Variants in ARHGEF17 observed in about 807,000 individuals in gnomAD.
The protein encoded by ARHGEF17 is 164 kDa Rho-specific guanine-nucleotide exchange factor.
A neutral mutation model predicts 174.0 loss-of-function variants in ARHGEF17; 80 were observed. The observed-to-expected ratio is 0.46, with a 90% confidence interval of 0.38 to 0.55. The LOEUF is 0.55. ARHGEF17 is among the 20% of genes least tolerant of loss of function. The pLI is 0.00. For missense variants in ARHGEF17, 2,886 were observed against 2,839.7 expected (o/e 1.02, Z -0.37); for synonymous variants, 1,311 against 1,189.1 (o/e 1.10, Z -2.11).
chr11:73,313,506 T>G (rs1282380762), intron 1 of ARHGEF17, among the ~76,000 whole-genome samples: 1 of 151,902 alleles, frequency 6.6e-6, no homozygotes. Context: ...AGAGAGGAGG[T>G]GGGAGTTTAC....
intron 1 of ARHGEF17, among the ~76,000 whole-genome samples, chr11:73,332,349 CCGTGTGTGTGTG>C (rs1207537287): frequency 2.1e-4 from 24 of 114,258 alleles, no homozygotes; most frequent in African/African-American, 7.9e-4. Flanking sequence ...GGCTTTTTCT[CCGTGTGTGTGTG>C]TGTGTGTGTG....
intron 1 of ARHGEF17, 152 bp from the exon 2 acceptor site, chr11:73,346,731 G>C (rs749625247): frequency 1.9e-6 from 1 of 536,006 alleles, no homozygotes; most frequent in Non-Finnish European, 3.1e-6. Flanking sequence ...TGGGGGCCTC[G>C]GGGGAACAGC....
intron 1 of ARHGEF17, among the ~76,000 whole-genome samples, chr11:73,321,164 A>G (rs1392259156): frequency 1.3e-5 from 2 of 152,216 alleles, no homozygotes; most frequent in African/African-American, 4.8e-5. Flanking sequence ...TACAGTACCC[A>G]CATAGTCAGT....
intron 1 of ARHGEF17, among the ~76,000 whole-genome samples, chr11:73,327,571 G>A (rs772851634): frequency 2.2e-4 from 33 of 152,332 alleles, no homozygotes; most frequent in East Asian, 3.9e-4. Context: ...CTTTGGCCAC[G>A]AAAAATGTAG....
chr11:73,356,220 C>T lies in ARHGEF17; in HGVS notation c.3709C>T (p.Leu1237=), dbSNP rs769731975. 32 of 1,613,916 alleles carry T rather than the reference C, an allele frequency of 2.0e-5. No individual in the cohort carries two copies. Among genetic ancestry groups the T allele is most frequent in the Middle Eastern group, 1.6e-4 (1 of 6,084 alleles). The stretch of plus-strand genomic sequence containing the variant: ...TGAGGACCACCCGGACCATCCACTC[C>T]TGCTGGAGGCGCAGCGGAACATCAA... ...TPEDHPDHPL[L]LEAQRNIKQV... is the part of the protein sequence containing the mutation. The change falls in exon 6 of 21, where the codon CTG becomes TTG. Residue 1237 remains leucine (L), a synonymous_variant. Transcript: ENST00000263674.
chr11:73,335,414 A>G (rs968052543), intron 1 of ARHGEF17, among the ~76,000 whole-genome samples: 4 of 152,122 alleles, frequency 2.6e-5, no homozygotes, highest in African/African-American at 7.2e-5. Context: ...CTGTCTATCC[A>G]TCTACTTCTC....
chr11:73,367,986 C>G lies in ARHGEF17; in HGVS notation c.*206C>G. 1.8e-6 allele frequency: 1 copy of G among 549,962 alleles called. No homozygotes were observed. Among genetic ancestry groups the G allele is most frequent in the Non-Finnish European group, 3.2e-6 (1 of 313,300 alleles). 34.1% of individuals were successfully genotyped at this position (549,962 alleles called of 1,614,324 possible). A position where few individuals can be genotyped will look rare whatever the true frequency, so the allele number is the denominator to read the frequency against. On this transcript the variant is annotated 3_prime_UTR_variant, in exon 21 of 21. Transcript: ENST00000263674. ...ATGGCTTCTCCCGACCCTCTGGCTG[C>G]CCCGGTGCTTCCAGTCATGATCGGG...
intron 1 of ARHGEF17, among the ~76,000 whole-genome samples, chr11:73,335,669 G>A (rs956573441): frequency 7.2e-5 from 11 of 152,100 alleles, no homozygotes; most frequent in Non-Finnish European, 1.5e-4. Flanking sequence ...GCAGTTCTTG[G>A]GGCTTCAGCT....
rs755222319 is a variant in ARHGEF17, at chr11:73,310,208, G to C, written c.1570G>C (p.Ala524Pro). 1.2e-6 allele frequency: 2 copies of C among 1,613,948 alleles called. No homozygotes were observed. The highest frequency in any genetic ancestry group is 1.1e-5 in the South Asian group (1 of 91,082). Reference protein sequence around the residue: ...VGQLEPIPIPAPASPGTRPTL... With the variant: ...VGQLEPIPIPPPASPGTRPTL... ...GCAACTTGAACCCATACCCATCCCA[G>C]CCCCAGCATCACCTGGCACGCGCCC... Residue 524 changes from alanine (A) to proline (P), a missense_variant, in exon 1 of 21, where the codon GCC (alanine) becomes CCC (proline). Ala to Pro is a conservative substitution (Grantham distance 27). Coordinates refer to ENST00000263674, the MANE Select transcript of ARHGEF17 (RefSeq NM_014786.4).
rs775268553 is a variant in ARHGEF17, at chr11:73,362,505, G to GGCCGCTGCAGACGAGGAA, written c.4773_4790dup (p.Ala1592_Ala1597dup). ...CCGCCGGGCCGGAGCTGGACGTCGA[G>GGCCGCTGCAGACGAGGAA]GCCGCTGCAGACGAGGAAGCCGCGA... On this transcript the variant is annotated inframe_insertion, in exon 14 of 21. Transcript: ENST00000263674. 6.2e-7 allele frequency: 1 copy of GGCCGCTGCAGACGAGGAA among 1,603,248 alleles called. No individual in the cohort carries two copies. The highest frequency in any genetic ancestry group is 1.7e-5 in the Admixed American group (1 of 59,826).
chr11:73,330,871 C>T (rs1021667697), intron 1 of ARHGEF17, among the ~76,000 whole-genome samples: 2 of 152,108 alleles, frequency 1.3e-5, no homozygotes, highest in Non-Finnish European at 2.9e-5. Flanking sequence ...AGTGGGCAGG[C>T]AGGAAGGAGG....
intron 1 of ARHGEF17, among the ~76,000 whole-genome samples, chr11:73,324,042 T>C (rs962729613): frequency 6.6e-6 from 1 of 152,166 alleles, no homozygotes; most frequent in Admixed American, 6.5e-5. Flanking sequence ...CTGCCTCCCT[T>C]TAGAGAGCCA....
chr11:73,362,315 C>T, intron 13 of ARHGEF17, 76 bp downstream of exon 13: 6 of 1,446,594 alleles, frequency 4.1e-6, no homozygotes, highest in Non-Finnish European at 2.7e-6. Flanking sequence ...ACTCTCAGGC[C>T]GCCCCGGCGT....
chr11:73,359,732 C>A, intron 9 of ARHGEF17, 102 bp from the exon 10 acceptor site: 1 of 1,033,014 alleles, frequency 9.7e-7, no homozygotes, highest in Non-Finnish European at 1.4e-6. Flanking sequence ...TCAGGTCTCT[C>A]CCCGGCCCAG....
Position 73,309,513 on chromosome 11 carries a change from G to A in ARHGEF17, c.875G>A (p.Arg292Lys). The A allele has an allele frequency of 6.4e-7, 1 of 1,560,288 alleles. No individual in the cohort carries two copies. Among genetic ancestry groups the A allele is most frequent in the Admixed American group, 1.9e-5 (1 of 53,350 alleles). ...DGEGGHRWGG[R>K]PGLRPGSSLL... The stretch of plus-strand genomic sequence containing the variant: ...GAGGGCGGCCACCGCTGGGGAGGGA[G>A]GCCCGGGCTCAGGCCTGGAAGCTCC... The change falls in exon 1 of 21, where the codon AGG becomes AAG. Residue 292 changes from arginine to lysine, a missense_variant. Physicochemically the swap from Arg to Lys is conservative, Grantham distance 26 (BLOSUM62 2). This residue lies in a region of ARHGEF17 where 1,728 missense variants were observed against 1,461.2 expected (regional missense o/e 1.18). Coordinates refer to ENST00000263674, the MANE Select transcript of ARHGEF17 (RefSeq NM_014786.4).
intron 1 of ARHGEF17, among the ~76,000 whole-genome samples, chr11:73,335,238 G>T (rs1336685693): frequency 1.3e-5 from 2 of 152,166 alleles, no homozygotes; most frequent in Non-Finnish European, 2.9e-5. Context: ...ACTGCCAAGG[G>T]CAGGGCAACC....
Position 73,369,113 on chromosome 11 carries a change from T to G in ARHGEF17, c.*1333T>G, listed in dbSNP as rs1272722507. ...TGCATTGGTGGCCACAGTGGCCTCC[T>G]GTCAGCAACCTCAGGGCTCAGTCTC... On this transcript the variant is annotated 3_prime_UTR_variant, in exon 21 of 21. Transcript: ENST00000263674. 1 of 152,416 alleles carries G rather than the reference T, an allele frequency of 6.6e-6. No homozygotes were observed. The highest frequency in any genetic ancestry group is 1.9e-4 in the East Asian group (1 of 5,192). 9.4% of individuals were successfully genotyped at this position (152,416 alleles called of 1,614,324 possible).
intron 1 of ARHGEF17, among the ~76,000 whole-genome samples, chr11:73,339,929 T>C (rs1296090135): frequency 6.6e-6 from 1 of 152,078 alleles, no homozygotes; most frequent in African/African-American, 2.4e-5. Flanking sequence ...GCACCCTGTA[T>C]ACTTACAAAA....
At chr11:73,356,569 C>A in intron 6 of ARHGEF17, 140 bp from the exon 7 acceptor site, 1 of 1,252,610 alleles carries the variant, frequency 8.0e-7, no homozygotes, top group Non-Finnish European at 1.1e-6. Flanking sequence ...GGCCTGGCAG[C>A]ACAAGGGCAT....
Sources: allele counts gnomAD v4.1 joint callset (sites outside exome capture counted in the v4.1 genomes callset), GRCh38; gene constraint gnomAD v4.1.1; regional missense constraint gnomAD v4.1.1; transcripts MANE v1.5; gene names NCBI Gene and HGNC (gene_info 2026-07-23, HGNC 2026-07-21).